Variants in ARL15 observed in about 807,000 individuals in gnomAD.
ARL15 encodes ARF like GTPase 15.
ARL15 carries 19 observed loss-of-function variants against 25.2 expected under a neutral mutation model. The observed-to-expected ratio is 0.75, with a 90% CI of 0.53 to 1.10. ARL15 has a LOEUF of 1.10. Ranked by LOEUF, ARL15 falls within the 50% of genes least tolerant of loss-of-function variation. The pLI, the probability that ARL15 is intolerant of heterozygous loss-of-function variation, is 0.00. For synonymous variants in ARL15, 94 were observed against 86.8 expected (o/e 1.08, Z -0.46); for missense variants, 220 against 246.0 (o/e 0.89, Z 0.71).
chr5:54,029,321 CACCACCACCACT>C (rs149987517), intron 4 of ARL15, among the ~76,000 whole-genome samples: 1,421 of 117,380 alleles, frequency 0.012, 13 homozygotes, highest in African/African-American at 0.015. Context: ...CCACCACCAC[CACCACCACCACT>C]ACCACCACCA....
intron 2 of ARL15, among the ~76,000 whole-genome samples, chr5:54,167,777 T>G (rs1476178818): frequency 1.3e-5 from 2 of 152,164 alleles, no homozygotes; most frequent in African/African-American, 4.8e-5. Context: ...AAGAACTGTC[T>G]ATATTCCAAA....
chr5:54,048,562 C>G (rs1750606618), intron 4 of ARL15, among the ~76,000 whole-genome samples: 1 of 132,318 alleles, frequency 7.6e-6, no homozygotes, highest in Non-Finnish European at 1.5e-5. Context: ...TGCCACCACA[C>G]CTGGCTAATT....
intron 4 of ARL15, among the ~76,000 whole-genome samples, chr5:53,925,679 G>T (rs780292435): frequency 6.6e-6 from 1 of 152,130 alleles, no homozygotes; most frequent in Non-Finnish European, 1.5e-5. Context: ...ATGGTGGCAT[G>T]TGCCTGTAGT....
chr5:54,015,050 T>C (rs758767841), intron 4 of ARL15, among the ~76,000 whole-genome samples: 3 of 151,818 alleles, frequency 2.0e-5, no homozygotes, highest in Non-Finnish European at 4.4e-5. Flanking sequence ...CCCAGCACTT[T>C]GGGAGGTCAA....
chr5:53,959,675 C>T (rs1215787172), intron 4 of ARL15, among the ~76,000 whole-genome samples: 2 of 152,054 alleles, frequency 1.3e-5, no homozygotes, highest in African/African-American at 4.8e-5. Context: ...ATTCCTACTA[C>T]TTTCTGCACT....
intron 4 of ARL15, among the ~76,000 whole-genome samples, chr5:54,025,287 CAA>C (rs756211559): frequency 1.1e-4 from 9 of 80,188 alleles, no homozygotes; most frequent in African/African-American, 4.8e-4. Flanking sequence ...ACAAAGGGAC[CAA>C]AAAAAAAAAA....
At chr5:54,107,841 A>G (rs1235687963) in intron 4 of ARL15, among the ~76,000 whole-genome samples, 1 of 152,166 alleles carries the variant, frequency 6.6e-6, no homozygotes, top group Non-Finnish European at 1.5e-5. Flanking sequence ...GATAAAATGG[A>G]CATTTCTTAT....
intron 4 of ARL15, among the ~76,000 whole-genome samples, chr5:54,052,900 C>A (rs13180378): frequency 6.6e-6 from 1 of 151,604 alleles, no homozygotes; most frequent in African/African-American, 2.4e-5. Flanking sequence ...ATCCTGTCTG[C>A]GGCAAGAAAT....
chr5:54,306,353 A>G, intron 1 of ARL15, among the ~76,000 whole-genome samples: 1 of 152,076 alleles, frequency 6.6e-6, no homozygotes, highest in Non-Finnish European at 1.5e-5. Flanking sequence ...TACAGGAGGT[A>G]TAAAAGTAAC....
chr5:54,059,031 T>C lies in ARL15; in HGVS notation c.462+54171A>G, dbSNP rs1456064962. Among the ~76,000 whole-genome samples the C allele has an allele frequency of 2.0e-5, 3 of 152,194 alleles. 1 individual carries two copies. Among genetic ancestry groups the C allele is most frequent in the Admixed American group, 1.3e-4 (2 of 15,284 alleles). On this transcript the variant is annotated intron_variant, in intron 4 of 4. Coordinates refer to ENST00000504924, the MANE Select transcript of ARL15 (RefSeq NM_019087.3). Reference sequence around the variant, plus strand: ...CCATTTGTCACAACATGTTCCCTTTTTAAACTGCAGTCTAAAAGCCACCTT... The same window carrying C: ...CCATTTGTCACAACATGTTCCCTTTCTAAACTGCAGTCTAAAAGCCACCTT...
intron 4 of ARL15, among the ~76,000 whole-genome samples, chr5:54,052,303 G>A (rs969374081): frequency 3.3e-5 from 5 of 151,960 alleles, no homozygotes; most frequent in East Asian, 1.9e-4. Flanking sequence ...CTAGAAAGTC[G>A]GGGAAGCCTA....
rs144042601 is a variant in ARL15 at position 54,215,798 on chromosome 5, G to A, written c.49-43870C>T. Among the ~76,000 whole-genome samples, 7 of 150,630 alleles carry A rather than the reference G, an allele frequency of 4.6e-5. No individual in the cohort carries two copies. In the South Asian group the frequency reaches 1.3e-3, roughly 27 times the overall value. ...GTAATTACCTGTTTCAGTCAGGGGT[G>A]GGGGGCTGGGGGAGTGGATTCATGA... On this transcript the variant is annotated intron_variant, in intron 1 of 4. Transcript: ENST00000504924.
At chr5:54,105,054 T>A (rs994599861) in intron 4 of ARL15, among the ~76,000 whole-genome samples, 1 of 151,060 alleles carries the variant, frequency 6.6e-6, no homozygotes, top group African/African-American at 2.4e-5. Flanking sequence ...ATAATGATAA[T>A]AATTATCATA....
intron 4 of ARL15, among the ~76,000 whole-genome samples, chr5:53,927,388 C>G (rs750797602): frequency 3.3e-5 from 5 of 152,134 alleles, no homozygotes; most frequent in Non-Finnish European, 7.4e-5. Context: ...CGTGCACCAC[C>G]CTTATGTTTT....
intron 4 of ARL15, among the ~76,000 whole-genome samples, chr5:53,923,768 G>A (rs1478559466): frequency 6.6e-6 from 1 of 152,170 alleles, no homozygotes; most frequent in Non-Finnish European, 1.5e-5. Flanking sequence ...GGGAGGCTGA[G>A]GCAGGAGAAT....
At chr5:54,053,755 G>A (rs561902582) in intron 4 of ARL15, among the ~76,000 whole-genome samples, 12 of 152,284 alleles carry the variant, frequency 7.9e-5, no homozygotes, top group African/African-American at 2.4e-4. Context: ...TGTCAAGGTC[G>A]TCAAAGACAA....
intron 1 of ARL15, among the ~76,000 whole-genome samples, chr5:54,231,789 T>C (rs558861319): frequency 5.8e-4 from 88 of 152,248 alleles, no homozygotes; most frequent in African/African-American, 2.0e-3. Flanking sequence ...GGGAGCTTTC[T>C]GGTGTTTTTA....
chr5:54,147,397 T>C (rs749942446), intron 3 of ARL15, among the ~76,000 whole-genome samples: 7 of 152,128 alleles, frequency 4.6e-5, no homozygotes, highest in Non-Finnish European at 5.9e-5. Context: ...GGGAAATAAA[T>C]AGAGGTGATT....
intron 2 of ARL15, among the ~76,000 whole-genome samples, chr5:54,165,371 C>T (rs1754532259): frequency 6.6e-6 from 1 of 151,816 alleles, no homozygotes; most frequent in African/African-American, 2.4e-5. Context: ...GACTCAAGGA[C>T]TTCTTTTAAC....
Sources: allele counts gnomAD v4.1 joint callset (sites outside exome capture counted in the v4.1 genomes callset), GRCh38; gene constraint gnomAD v4.1.1; transcripts MANE v1.5; gene names NCBI Gene and HGNC (gene_info 2026-07-23, HGNC 2026-07-21).